Variants in RASA3 observed in about 807,000 individuals in gnomAD.
RASA3 encodes the protein ras GTPase-activating protein 3.
A neutral mutation model predicts 110.0 loss-of-function variants in RASA3; 73 were observed. The observed-to-expected ratio is 0.66, with a 90% CI of 0.55 to 0.81. The LOEUF is 0.81. Ranked by LOEUF, RASA3 falls within the 30% of genes least tolerant of loss-of-function variation. The probability of loss-of-function intolerance (pLI) is 0.00; values close to 1 mark genes in which losing one functional copy is unlikely to be tolerated. For synonymous variants in RASA3, 500 were observed against 451.4 expected, an observed-to-expected ratio of 1.11 and a Z score of -1.37; for missense variants, 976 against 1,113.2, an observed-to-expected ratio of 0.88 and a Z score of 1.75.
At chr13:114,132,089 C>T (rs2080527916) in intron 1 of RASA3, among the ~76,000 whole-genome samples, 1 of 152,256 alleles carries the variant, frequency 6.6e-6, no homozygotes, top group Non-Finnish European at 1.5e-5. Context: ...GCGCGCACTC[C>T]TGCAAACACG....
In RASA3 at chr13:114,062,965, G is replaced by A. The variant is rs187038708; in HGVS notation, c.173+10755C>T. ...AATGCCCAAGAGAGGCACAGCCGGC[G>A]ACAGAACGGGGACCCGTGTCTGCCG... On this transcript the variant is annotated intron_variant, in intron 2 of 23. Transcript: ENST00000334062. Among the ~76,000 whole-genome samples the A allele has an allele frequency of 1.5e-3, 231 of 152,360 alleles. 1 individual carries two copies. The highest frequency in any genetic ancestry group is 5.4e-3 in the African/African-American group (223 of 41,588).
chr13:114,053,878 C>T (rs749256445), intron 2 of RASA3, among the ~76,000 whole-genome samples: 1 of 152,246 alleles, frequency 6.6e-6, no homozygotes, highest in Non-Finnish European at 1.5e-5. Flanking sequence ...GTAATCCCAA[C>T]ACTTTGGGAG....
intron 20 of RASA3, among the ~76,000 whole-genome samples, chr13:113,998,849 ACTGGATCCAGAGGGGAAGGAACCACAG>A: frequency 6.6e-6 from 1 of 152,350 alleles, no homozygotes; most frequent in Non-Finnish European, 1.5e-5. Flanking sequence ...TGCAGCGCAG[ACTGGATCCAGAGGGGAAGGAACCACAG>A]CCGGAAGAAC....
intron 20 of RASA3, among the ~76,000 whole-genome samples, chr13:113,998,760 C>T (rs1240108381): frequency 2.6e-5 from 4 of 152,210 alleles, no homozygotes; most frequent in African/African-American, 4.8e-5. Context: ...AAGGCCTGCA[C>T]GCCTCAAAGA....
intron 21 of RASA3, among the ~76,000 whole-genome samples, chr13:113,994,699 G>A (rs1360865822): frequency 6.6e-6 from 1 of 152,198 alleles, no homozygotes; most frequent in Non-Finnish European, 1.5e-5. Context: ...GAGCTGGGCT[G>A]GTGGCATCAG....
chr13:114,076,725 G>T (rs969032198), intron 1 of RASA3, among the ~76,000 whole-genome samples: 7 of 152,068 alleles, frequency 4.6e-5, no homozygotes, highest in African/African-American at 1.7e-4. Flanking sequence ...CTTCCTGGTG[G>T]CCGCGGCTGC....
intron 12 of RASA3, among the ~76,000 whole-genome samples, chr13:114,016,712 A>C (rs1462992969): frequency 6.6e-6 from 1 of 152,210 alleles, no homozygotes; most frequent in African/African-American, 2.4e-5. Context: ...TTTACTTCAA[A>C]ATGCTGCCAT....
intron 4 of RASA3, among the ~76,000 whole-genome samples, chr13:114,034,449 G>A (rs2054242311): frequency 6.6e-6 from 1 of 152,208 alleles, no homozygotes; most frequent in African/African-American, 2.4e-5. Flanking sequence ...GCAGCAGGCT[G>A]TGCGGCCCCC....
In RASA3 at chr13:113,997,693, G is replaced by A. The variant is rs147090891; in HGVS notation, c.1933-954C>T. On this transcript the variant is annotated intron_variant, in intron 20 of 23. Transcript: ENST00000334062. ...CCGGCTCTGTTGCACACAGAAGACA[G>A]GTTTTCTGAGTAGGAGACTGACTGG... Among the ~76,000 whole-genome samples the A allele has an allele frequency of 5.1e-3, 784 of 152,286 alleles. 1 individual carries two copies. The highest frequency in any genetic ancestry group is 0.016 in the African/African-American group (675 of 41,550).
chr13:114,002,912 C>T (rs529930021), intron 18 of RASA3, among the ~76,000 whole-genome samples: 9 of 152,366 alleles, frequency 5.9e-5, no homozygotes, highest in Admixed American at 1.3e-4. Flanking sequence ...ACACACGCTG[C>T]GCTGCAGAGG....
At chr13:114,066,680 C>T (rs1038931409) in intron 2 of RASA3, among the ~76,000 whole-genome samples, 6 of 152,212 alleles carry the variant, frequency 3.9e-5, no homozygotes, top group Non-Finnish European at 7.3e-5. Context: ...AGTTCCTGTG[C>T]GGCTGAGAGA....
intron 2 of RASA3, among the ~76,000 whole-genome samples, chr13:114,055,705 T>C (rs1242207260): frequency 6.6e-6 from 1 of 152,142 alleles, no homozygotes; most frequent in African/African-American, 2.4e-5. Flanking sequence ...TTTGAATGTG[T>C]GAAAGCAGCC....
At chr13:114,097,586 C>T (rs952444831) in intron 1 of RASA3, among the ~76,000 whole-genome samples, 1 of 152,256 alleles carries the variant, frequency 6.6e-6, no homozygotes, top group Non-Finnish European at 1.5e-5. Flanking sequence ...CTCTGAGTTC[C>T]TTCTCCCAGA....
intron 8 of RASA3, 57 bp downstream of exon 8, chr13:114,024,222 G>C (rs1051761267): frequency 2.7e-6 from 4 of 1,461,020 alleles, no homozygotes; most frequent in Non-Finnish European, 3.8e-6. Context: ...GAACAAAAGA[G>C]CTGAGGAGTT....
At position 114,096,656 on chromosome 13, in the gene RASA3, C is replaced by T. The variant is rs1376799123; in HGVS notation, c.56-22819G>A. On this transcript the variant is annotated intron_variant, in intron 1 of 23. Coordinates refer to ENST00000334062, the MANE Select transcript of RASA3 (RefSeq NM_007368.4). This position sits in a 1 kb window ranked among gnomAD's most constrained non-coding sequence, Gnocchi z 5.1. ...TTCCCAAACGCCTTCCCTTTCCATT[C>T]TCTAAATACTGTAGCACCACACTGA... 2.0e-5 allele frequency among the ~76,000 whole-genome samples: 3 copies of T among 152,150 alleles called. No homozygotes were observed. Among genetic ancestry groups the T allele is most frequent in the Non-Finnish European group, 2.9e-5 (2 of 68,014 alleles).
chr13:113,982,353 C>A (rs1316655597), intron 22 of RASA3, among the ~76,000 whole-genome samples: 4 of 152,242 alleles, frequency 2.6e-5, no homozygotes, highest in Non-Finnish European at 5.9e-5. Context: ...CCAGCCAGGA[C>A]AGGCCTAGCC....
rs9525261 is a variant in RASA3 at position 114,105,869 on chromosome 13, G to C, written c.55+26566C>G. 7.6e-3 allele frequency among the ~76,000 whole-genome samples: 1,157 copies of C among 152,292 alleles called. 11 individuals carry two copies. Among genetic ancestry groups the C allele is most frequent in the Non-Finnish European group, 9.8e-3 (667 of 68,034 alleles). ...AGTCAGCTAGCTGTGAAACTATTAC[G>C]GTAAGCTACACAGTGGGGGAATCAG... On this transcript the variant is annotated intron_variant, in intron 1 of 23. Transcript: ENST00000334062.
At chr13:113,980,766 G>A (rs1391000614) in intron 23 of RASA3, among the ~76,000 whole-genome samples, 1 of 152,222 alleles carries the variant, frequency 6.6e-6, no homozygotes, top group Admixed American at 6.5e-5. Flanking sequence ...GGGCCACAGG[G>A]ACCTGTCACT....
intron 13 of RASA3, among the ~76,000 whole-genome samples, 200 bp downstream of exon 13, chr13:114,015,997 C>A (rs1257381934): frequency 6.6e-6 from 1 of 152,146 alleles, no homozygotes; most frequent in African/African-American, 2.4e-5. Context: ...GCCCGGCACA[C>A]AGGCCAGGCC....
Sources: gnomAD v4.1 joint callset for allele counts (sites outside exome capture counted in the v4.1 genomes callset) on GRCh38, gnomAD v4.1.1 for gene constraint, Gnocchi (gnomAD v3.1) non-coding constraint, MANE v1.5 for transcripts, NCBI Gene and HGNC (gene_info 2026-07-23, HGNC 2026-07-21) for gene names.